Variants in PCDHGA12 observed in about 807,000 individuals in gnomAD.
The protein encoded by PCDHGA12 is protocadherin gamma-A12.
PCDHGA12 carries 43 observed loss-of-function variants against 61.1 expected under a neutral mutation model. That is an observed-to-expected ratio of 0.70 (90% CI 0.55 to 0.91). The LOEUF (loss-of-function observed/expected upper bound fraction) is 0.91. PCDHGA12 is among the 40% of genes least tolerant of loss of function. The pLI, the probability that PCDHGA12 is intolerant of heterozygous loss-of-function variation, is 0.00. For missense variants in PCDHGA12, 1,236 were observed against 1,227.7 expected (o/e 1.01, Z -0.10); for synonymous variants, 520 against 542.9 (o/e 0.96, Z 0.59).
At chr5:141,488,472 T>C (rs1183465817) in intron 1 of PCDHGA12, among the ~76,000 whole-genome samples, 1 of 152,096 alleles carries the variant, frequency 6.6e-6, no homozygotes, top group East Asian at 1.9e-4. Context: ...CCAGAAATGT[T>C]CCCCTACCCA....
chr5:141,432,586 C>G lies in PCDHGA12; in HGVS notation c.1827C>G (p.Leu609=). 6.2e-7 allele frequency: 1 copy of G among 1,613,852 alleles called. No homozygotes were observed. The highest frequency in any genetic ancestry group is 8.5e-7 in the Non-Finnish European group (1 of 1,179,972). The change falls in exon 1 of 4, where the codon CTC becomes CTG. Residue 609 remains leucine (L), a synonymous_variant. Transcript: ENST00000252085. The surrounding 1 kb of genome is among the most constrained non-coding windows in gnomAD (Gnocchi z 6.0). ...ACGCCTGGCTGTCCTACCGTCTGCT[C>G]AAGGCCAGCGAGCCGGGACTCTTCT... The part of the protein sequence containing the change: ...GQNAWLSYRL[L]KASEPGLFSV...
chr5:141,432,863 T>C lies in PCDHGA12; in HGVS notation c.2104T>C (p.Cys702Arg), dbSNP rs762979829. The change falls in exon 1 of 4, where the codon TGC becomes CGC. Residue 702 changes from cysteine to arginine, a missense_variant. Physicochemically the swap from Cys to Arg is radical, Grantham distance 180 (BLOSUM62 -3). Coordinates refer to ENST00000252085, the MANE Select transcript of PCDHGA12 (RefSeq NM_003735.3). This position sits in a 1 kb window ranked among gnomAD's most constrained non-coding sequence, Gnocchi z 6.0. Reference protein sequence around the residue: ...YLVVAVAAVSCVFLAFVILLL... With the variant: ...YLVVAVAAVSRVFLAFVILLL... ...GGTGGTAGCGGTGGCCGCGGTCTCCTGCGTCTTCCTGGCCTTCGTCATCTT... is the reference window on the plus strand; with the variant it reads ...GGTGGTAGCGGTGGCCGCGGTCTCCCGCGTCTTCCTGGCCTTCGTCATCTT... 20 of 1,614,192 alleles carry C rather than the reference T, an allele frequency of 1.2e-5. No individual in the cohort carries two copies. Among genetic ancestry groups the C allele is most frequent in the Admixed American group, 6.7e-5 (4 of 60,032 alleles).
In PCDHGA12 at chr5:141,476,089, C is replaced by A; in HGVS notation, c.2425-18718C>A. 1 of 1,560,716 alleles carries A rather than the reference C, an allele frequency of 6.4e-7. No individual in the cohort carries two copies. The highest frequency in any genetic ancestry group is 8.6e-7 in the Non-Finnish European group (1 of 1,158,372). On this transcript the variant is annotated intron_variant, in intron 1 of 3. Coordinates refer to ENST00000252085, the MANE Select transcript of PCDHGA12 (RefSeq NM_003735.3). This position sits in a 1 kb window ranked among gnomAD's most constrained non-coding sequence, Gnocchi z 7.6. ...CGAAATCTCAGGGACGATCTGGACC[C>A]CGCTGAGAGGAACTGCTTTTGAGTG...
intron 1 of PCDHGA12, among the ~76,000 whole-genome samples, chr5:141,488,938 A>T (rs1195859645): frequency 6.6e-6 from 1 of 152,154 alleles, no homozygotes; most frequent in East Asian, 1.9e-4. Context: ...AGGAAACTCC[A>T]TAATTGGTTG....
intron 2 of PCDHGA12, among the ~76,000 whole-genome samples, chr5:141,497,578 T>C (rs2099778035): frequency 1.3e-5 from 2 of 150,806 alleles, no homozygotes; most frequent in South Asian, 4.2e-4. Context: ...CTTGCTCTGT[T>C]GCCCAAGCTG....
chr5:141,476,509 C>G lies in PCDHGA12; in HGVS notation c.2425-18298C>G. 6.2e-7 allele frequency: 1 copy of G among 1,614,144 alleles called. No individual in the cohort carries two copies. Among genetic ancestry groups the G allele is most frequent in the Non-Finnish European group, 8.5e-7 (1 of 1,180,022 alleles). ...TGGTGATCCAGGACATCAACGACAACAATCCTGCTTTCCCTACCCAGGAAA... is the reference window on the plus strand; with the variant it reads ...TGGTGATCCAGGACATCAACGACAAGAATCCTGCTTTCCCTACCCAGGAAA... On this transcript the variant is annotated intron_variant, in intron 1 of 3. Transcript: ENST00000252085. This position sits in a 1 kb window ranked among gnomAD's most constrained non-coding sequence, Gnocchi z 7.6.
intron 1 of PCDHGA12, among the ~76,000 whole-genome samples, chr5:141,466,021 G>A (rs2099115061): frequency 6.6e-6 from 1 of 151,934 alleles, no homozygotes; most frequent in Admixed American, 6.6e-5. Flanking sequence ...ACTCGGGAGG[G>A]TGAGGCAGGA....
intron 1 of PCDHGA12, among the ~76,000 whole-genome samples, chr5:141,437,486 G>A (rs530079212): frequency 2.6e-5 from 4 of 152,224 alleles, no homozygotes; most frequent in South Asian, 2.1e-4. Flanking sequence ...ATTTAATCTC[G>A]TAGATCACTT....
At chr5:141,437,426 C>G (rs531265278) in intron 1 of PCDHGA12, among the ~76,000 whole-genome samples, 2 of 152,150 alleles carry the variant, frequency 1.3e-5, no homozygotes, top group Non-Finnish European at 2.9e-5. Context: ...CTTTTTGAAG[C>G]AGCAATAGCA....
chr5:141,491,513 A>C lies in PCDHGA12; in HGVS notation c.2425-3294A>C, dbSNP rs1163218369. On this transcript the variant is annotated intron_variant, in intron 1 of 3. Coordinates refer to ENST00000252085, the MANE Select transcript of PCDHGA12 (RefSeq NM_003735.3). The surrounding 1 kb of genome is among the most constrained non-coding windows in gnomAD (Gnocchi z 6.9). ...CAGGTGAGCTCGGACGGCACGCTCAAGTACATGGAGGTGACGCTGCGGCCC... is the reference window on the plus strand; with the variant it reads ...CAGGTGAGCTCGGACGGCACGCTCACGTACATGGAGGTGACGCTGCGGCCC... The C allele has an allele frequency of 6.2e-7, 1 of 1,613,934 alleles. No individual in the cohort carries two copies. Among genetic ancestry groups the C allele is most frequent in the East Asian group, 2.2e-5 (1 of 44,888 alleles).
Position 141,458,657 on chromosome 5 carries a change from C to T in PCDHGA12, c.2424+25474C>T, listed in dbSNP as rs1214452360. On this transcript the variant is annotated intron_variant, in intron 1 of 3. Coordinates refer to ENST00000252085, the MANE Select transcript of PCDHGA12 (RefSeq NM_003735.3). ...CAATCCCAGCTCACTGCAACCTCCA[C>T]CTCTCGGGTTCAAGCAATTCTACTG... Among the ~76,000 whole-genome samples, 6 of 152,276 alleles carry T rather than the reference C, an allele frequency of 3.9e-5. No homozygotes were observed. In the East Asian group the frequency reaches 9.6e-4, roughly 24 times the overall value.
At position 141,432,298 on chromosome 5, in the gene PCDHGA12, A is replaced by G; in HGVS notation, c.1539A>G (p.Val513=). 6.2e-7 allele frequency: 1 copy of G among 1,614,236 alleles called. No homozygotes were observed. The highest frequency in any genetic ancestry group is 8.5e-7 in the Non-Finnish European group (1 of 1,180,036). ...SYVSINSDTG[V]LYALSSFDYE... The stretch of plus-strand genomic sequence containing the variant: ...TGTCCATCAACTCCGACACTGGGGT[A>G]CTGTATGCGCTGAGCTCCTTCGACT... Residue 513 remains valine, a synonymous_variant, in exon 1 of 4, where the codon GTA becomes GTG. Transcript: ENST00000252085. This position sits in a 1 kb window ranked among gnomAD's most constrained non-coding sequence, Gnocchi z 6.0.
At chr5:141,462,996 G>A (rs2099050826) in intron 1 of PCDHGA12, among the ~76,000 whole-genome samples, 1 of 152,082 alleles carries the variant, frequency 6.6e-6, no homozygotes, top group South Asian at 2.1e-4. Flanking sequence ...GGCTAATTTA[G>A]ACCTACCACT....
intron 1 of PCDHGA12, among the ~76,000 whole-genome samples, chr5:141,488,782 C>T (rs990081222): frequency 2.0e-5 from 3 of 152,178 alleles, no homozygotes; most frequent in Non-Finnish European, 1.5e-5. Flanking sequence ...TTTTGTATCA[C>T]TTTGTCTTCC....
At chr5:141,445,118 G>A (rs964726987) in intron 1 of PCDHGA12, among the ~76,000 whole-genome samples, 1 of 152,148 alleles carries the variant, frequency 6.6e-6, no homozygotes, top group Non-Finnish European at 1.5e-5. Flanking sequence ...ATTGTAAATA[G>A]TATTTTTAAA....
Position 141,430,944 on chromosome 5 carries a change from G to T in PCDHGA12, c.185G>T (p.Arg62Leu). 2 of 1,609,214 alleles carry T rather than the reference G, an allele frequency of 1.2e-6. No individual in the cohort carries two copies. Among genetic ancestry groups the T allele is most frequent in the Non-Finnish European group, 1.7e-6 (2 of 1,178,022 alleles). The change falls in exon 1 of 4, where the codon CGC becomes CTC. Residue 62 changes from arginine to leucine, a missense_variant. Transcript: ENST00000252085. ...CTGGAGCCCCGGGAGCTCGCGGAGC[G>T]CGGAGTCCGCATCATCCCCAGAGGT... ...LGLEPRELAE[R>L]GVRIIPRGRT...
intron 1 of PCDHGA12, among the ~76,000 whole-genome samples, chr5:141,447,761 T>C (rs2098551051): frequency 1.3e-5 from 2 of 152,186 alleles, no homozygotes; most frequent in African/African-American, 4.8e-5. Context: ...TGACTGTATA[T>C]AAATTATACT....
At position 141,431,365 on chromosome 5, in the gene PCDHGA12, C is replaced by T. The variant is rs2097365932; in HGVS notation, c.606C>T (p.Arg202=). ...PELVLKRALD[R]EEKAAHHLVL... ...TGGTGCTGAAACGCGCCCTGGACCG[C>T]GAAGAAAAGGCTGCTCACCACCTGG... Residue 202 remains arginine, a synonymous_variant, in exon 1 of 4, where the codon CGC becomes CGT. Coordinates refer to ENST00000252085, the MANE Select transcript of PCDHGA12 (RefSeq NM_003735.3). The surrounding 1 kb of genome is among the most constrained non-coding windows in gnomAD (Gnocchi z 4.8). 6 of 1,613,980 alleles carry T rather than the reference C, an allele frequency of 3.7e-6. No homozygotes were observed. Among genetic ancestry groups the T allele is most frequent in the Non-Finnish European group, 5.1e-6 (6 of 1,180,028 alleles).
intron 1 of PCDHGA12, among the ~76,000 whole-genome samples, chr5:141,459,691 C>T (rs754899227): frequency 3.9e-5 from 6 of 152,158 alleles, no homozygotes; most frequent in East Asian, 1.9e-4. Flanking sequence ...TAAAGCGTTC[C>T]GCTTGCTACA....
Sources: allele counts gnomAD v4.1 joint callset (sites outside exome capture counted in the v4.1 genomes callset), GRCh38; gene constraint gnomAD v4.1.1; non-coding constraint Gnocchi (gnomAD v3.1); transcripts MANE v1.5; gene names NCBI Gene and HGNC (gene_info 2026-07-23, HGNC 2026-07-21).